Variants in ADGRV1 observed in about 807,000 individuals in gnomAD.
The protein encoded by ADGRV1 is adhesion G protein-coupled receptor V1.
In ADGRV1, 359 loss-of-function variants were observed where a neutral mutation model predicts 596.2. That is an observed-to-expected ratio of 0.60 (90% CI 0.55 to 0.66). The LOEUF (loss-of-function observed/expected upper bound fraction) is 0.66, where lower values mean the gene tolerates loss of function less well. ADGRV1 is among the 30% of genes least tolerant of loss of function. ADGRV1 has a pLI of 0.00. For missense variants in ADGRV1, 7,274 were observed against 7,575.6 expected (o/e 0.96, Z 1.48); for synonymous variants, 2,681 against 2,679.2 (o/e 1.00, Z -0.02).
chr5:90,643,908 C>T lies in ADGRV1; in HGVS notation c.2659C>T (p.His887Tyr), dbSNP rs767179381. Residue 887 changes from histidine to tyrosine, a missense_variant, in exon 14 of 90, where the codon CAT (histidine) becomes TAT (tyrosine). Transcript: ENST00000405460. Reference sequence around the variant, plus strand: ...AACGATTCTGAAAAATGATGATCCTCATGGCATTATAGAATTTGTTTCTGA... The same window carrying T: ...AACGATTCTGAAAAATGATGATCCTTATGGCATTATAGAATTTGTTTCTGA... ...NITILKNDDP[H>Y]GIIEFVSDGL... is the part of the protein sequence containing the mutation. The T allele has an allele frequency of 6.2e-6, 10 of 1,612,004 alleles. No individual in the cohort carries two copies. The East Asian group carries it at 2.2e-4, about 36-fold the overall frequency.
At chr5:90,589,036 A>G (rs1308567180) in intron 1 of ADGRV1, among the ~76,000 whole-genome samples, 1 of 152,254 alleles carries the variant, frequency 6.6e-6, no homozygotes, top group Non-Finnish European at 1.5e-5. Flanking sequence ...CAAGAAACAC[A>G]AAGAGAAAAA....
In ADGRV1 at chr5:90,724,873, G is replaced by A; in HGVS notation, c.9790G>A (p.Asp3264Asn). 1.9e-6 allele frequency: 3 copies of A among 1,613,116 alleles called. No individual in the cohort carries two copies. The highest frequency in any genetic ancestry group is 2.5e-6 in the Non-Finnish European group (3 of 1,179,394). ...VVFSVFQSFLDESASGWCFFT... is the reference protein window; with the variant it reads ...VVFSVFQSFLNESASGWCFFT... ...GTTTTCCGTATTTCAAAGTTTTTTGGATGAATCAGCTTCTGGCTGGTGTTT... is the reference window on the plus strand; with the variant it reads ...GTTTTCCGTATTTCAAAGTTTTTTGAATGAATCAGCTTCTGGCTGGTGTTT... The change falls in exon 46 of 90, where the codon GAT becomes AAT. Residue 3264 changes from aspartate (D) to asparagine (N), a missense_variant. This residue lies in a region of ADGRV1 where 3,643 missense variants were observed against 3,809.2 expected (regional missense o/e 0.96). Coordinates refer to ENST00000405460, the MANE Select transcript of ADGRV1 (RefSeq NM_032119.4).
chr5:90,833,562 G>A (rs992874325), intron 77 of ADGRV1, among the ~76,000 whole-genome samples: 7 of 152,154 alleles, frequency 4.6e-5, no homozygotes, highest in African/African-American at 1.7e-4. Flanking sequence ...TGGGATTACA[G>A]GCATGAGCCA....
At chr5:90,614,434 T>TAAAA (rs1763092551) in intron 1 of ADGRV1, among the ~76,000 whole-genome samples, 1 of 152,080 alleles carries the variant, frequency 6.6e-6, no homozygotes, top group Non-Finnish European at 1.5e-5. Context: ...TTCAACTGTT[T>TAAAA]CAGTTTTGGC....
rs375526521 is a variant in ADGRV1 at position 90,653,189 on chromosome 5, C to T, written c.3635-20C>T. ...GTACTTGAAATTCTAGTTTCTCACT[C>T]ATAAATTTTCTTGTTACAGGTGGAT... On this transcript the variant is annotated intron_variant, in intron 19 of 89. Transcript: ENST00000405460. 7.7e-6 allele frequency: 12 copies of T among 1,566,436 alleles called. No homozygotes were observed. The highest frequency in any genetic ancestry group is 6.8e-5 in the East Asian group (3 of 44,190).
chr5:91,039,322 G>T (rs187241710), intron 85 of ADGRV1, among the ~76,000 whole-genome samples: 2 of 152,266 alleles, frequency 1.3e-5, no homozygotes, highest in Admixed American at 1.3e-4. Context: ...CTTCGTTATC[G>T]GTTAGGCTTT....
intron 85 of ADGRV1, among the ~76,000 whole-genome samples, chr5:91,028,014 GAGATCC>G (rs1784156596): frequency 6.7e-6 from 1 of 149,852 alleles, no homozygotes; most frequent in Non-Finnish European, 1.5e-5. Flanking sequence ...ACTCACTACT[GAGATCC>G]AGCTTTTTTT....
intron 83 of ADGRV1, among the ~76,000 whole-genome samples, chr5:90,961,453 A>T (rs1260922024): frequency 7.8e-6 from 1 of 128,372 alleles, no homozygotes. Context: ...GTGCTACTGC[A>T]CTCCAGCCTG....
At chr5:90,695,467 A>G (rs1580771039) in intron 33 of ADGRV1, among the ~76,000 whole-genome samples, 1 of 151,798 alleles carries the variant, frequency 6.6e-6, no homozygotes, top group East Asian at 1.9e-4. Context: ...GCAGTTATAT[A>G]TTCCACAAAA....
At chr5:91,056,707 C>T (rs141860357) in intron 85 of ADGRV1, among the ~76,000 whole-genome samples, 1 of 152,074 alleles carries the variant, frequency 6.6e-6, no homozygotes, top group Non-Finnish European at 1.5e-5. Flanking sequence ...CCGATGGCTG[C>T]CCACTAGGCT....
chr5:91,054,357 A>G (rs1786643438), intron 85 of ADGRV1, among the ~76,000 whole-genome samples: 1 of 152,188 alleles, frequency 6.6e-6, no homozygotes, highest in South Asian at 2.1e-4. Flanking sequence ...TAGAAATAAT[A>G]AAGAAGCATA....
chr5:90,774,337 G>A (rs758462268), intron 60 of ADGRV1, 34 bp downstream of exon 60: 1 of 1,219,390 alleles, frequency 8.2e-7, no homozygotes, highest in South Asian at 1.2e-5. Context: ...AAATTAAAAA[G>A]TAAATTCTCA....
chr5:90,850,172 C>T (rs942783840), intron 79 of ADGRV1, among the ~76,000 whole-genome samples: 14 of 152,168 alleles, frequency 9.2e-5, no homozygotes, highest in African/African-American at 3.1e-4. Flanking sequence ...AAATCTGCCC[C>T]CTCCAGCCCA....
At chr5:91,117,130 G>A (rs1792915298) in intron 87 of ADGRV1, among the ~76,000 whole-genome samples, 1 of 152,108 alleles carries the variant, frequency 6.6e-6, no homozygotes, top group Non-Finnish European at 1.5e-5. Context: ...GAAAACAAAA[G>A]AATTTGAATT....
chr5:90,597,597 T>G (rs1760857780), intron 1 of ADGRV1, among the ~76,000 whole-genome samples: 1 of 152,030 alleles, frequency 6.6e-6, no homozygotes, highest in African/African-American at 2.4e-5. Context: ...GAGGACAGGG[T>G]TAAATCTGAT....
At chr5:90,572,137 T>G (rs778411851) in intron 1 of ADGRV1, among the ~76,000 whole-genome samples, 30 of 152,112 alleles carry the variant, frequency 2.0e-4, no homozygotes, top group Admixed American at 1.5e-3. Flanking sequence ...ATAAAAATAG[T>G]CTTTTGAAGA....
At chr5:91,126,245 T>C (rs1391809832) in intron 87 of ADGRV1, among the ~76,000 whole-genome samples, 2 of 152,222 alleles carry the variant, frequency 1.3e-5, no homozygotes, top group African/African-American at 4.8e-5. Flanking sequence ...TCCACTCCCC[T>C]TCCACAAATT....
chr5:90,783,377 C>A, intron 66 of ADGRV1, 52 bp downstream of exon 66: 1 of 1,173,712 alleles, frequency 8.5e-7, no homozygotes, highest in Non-Finnish European at 1.2e-6. Flanking sequence ...GTATTGTGTT[C>A]AAACTCTTAC....
At chr5:90,979,901 T>C (rs1037194468) in intron 84 of ADGRV1, among the ~76,000 whole-genome samples, 1 of 152,232 alleles carries the variant, frequency 6.6e-6, no homozygotes, top group Non-Finnish European at 1.5e-5. Flanking sequence ...TTTTGAATTT[T>C]GTAGATTTTT....
Sources: gnomAD v4.1 joint callset for allele counts (sites outside exome capture counted in the v4.1 genomes callset) on GRCh38, gnomAD v4.1.1 for gene constraint, gnomAD v4.1.1 regional missense constraint, MANE v1.5 for transcripts, NCBI Gene and HGNC (gene_info 2026-07-23, HGNC 2026-07-21) for gene names.